PLEKHA1: variants seen among roughly 807,000 people sequenced by gnomAD.
The protein encoded by PLEKHA1 is pleckstrin homology domain-containing family A member 1.
PLEKHA1 carries 34 observed loss-of-function variants against 52.0 expected under a neutral mutation model. The ratio of observed to expected loss-of-function variants is 0.65; its 90% CI spans 0.50 to 0.87. The LOEUF (loss-of-function observed/expected upper bound fraction) is 0.87. Ranked by LOEUF, PLEKHA1 falls within the 40% of genes least tolerant of loss-of-function variation. PLEKHA1 has a pLI of 0.00. For synonymous variants in PLEKHA1, 163 were observed against 170.7 expected (o/e 0.95, Z 0.35); for missense variants, 497 against 504.2 (o/e 0.99, Z 0.14).
At chr10:122,405,509 A>G (rs1435312756) in intron 4 of PLEKHA1, among the ~76,000 whole-genome samples, 1 of 151,968 alleles carries the variant, frequency 6.6e-6, no homozygotes, top group Non-Finnish European at 1.5e-5. Flanking sequence ...CTCAATAACC[A>G]AAGAAATTAA....
At position 122,431,880 on chromosome 10, in the gene PLEKHA1, A is replaced by T. The variant is rs2097419610; in HGVS notation, c.*1942A>T. On this transcript the variant is annotated 3_prime_UTR_variant, in exon 12 of 12. Transcript: ENST00000368990. ...TCATGAACACACCCGAGAAATCTTA[A>T]ATAGACACTTTGCAATATTTAAGAA... is the stretch of plus-strand genomic sequence containing the variant. 6.6e-6 allele frequency: 1 copy of T among 152,188 alleles called. No homozygotes were observed. Among genetic ancestry groups the T allele is most frequent in the Non-Finnish European group, 1.5e-5 (1 of 68,026 alleles). The allele number at this position is 152,188 out of a possible 1,614,324, so 9.4% of individuals were successfully genotyped here.
intron 8 of PLEKHA1, chr10:122,419,902 C>T (rs1422673119): frequency 1.3e-5 from 2 of 152,140 alleles, no homozygotes; most frequent in African/African-American, 4.8e-5. Context: ...GTTTCAGCTC[C>T]CCCTCCCCCA....
intron 1 of PLEKHA1, among the ~76,000 whole-genome samples, chr10:122,391,306 TG>T (rs2096772023): frequency 6.6e-6 from 1 of 152,214 alleles, no homozygotes; most frequent in African/African-American, 2.4e-5. Context: ...ATATAATTTT[TG>T]TTGTTGCTCA....
Position 122,430,495 on chromosome 10 carries a change from T to C in PLEKHA1, c.*557T>C, listed in dbSNP as rs1565362560. On this transcript the variant is annotated 3_prime_UTR_variant, in exon 12 of 12. Coordinates refer to ENST00000368990, the MANE Select transcript of PLEKHA1 (RefSeq NM_001001974.4). ...ATGCCCTGAATCTTGAGGTGACTTA[T>C]TTTGCATAGAGGATATGGATAGACC... is the stretch of plus-strand genomic sequence containing the variant. The C allele has an allele frequency of 6.5e-6, 1 of 153,844 alleles. No individual in the cohort carries two copies. The highest frequency in any genetic ancestry group is 1.9e-4 in the East Asian group (1 of 5,202). 9.5% of individuals were successfully genotyped at this position (153,844 alleles called of 1,614,324 possible).
intron 5 of PLEKHA1, among the ~76,000 whole-genome samples, chr10:122,407,553 T>C (rs538404394): frequency 6.6e-6 from 1 of 152,290 alleles, no homozygotes; most frequent in African/African-American, 2.4e-5. Context: ...AGCCCTCTCC[T>C]TACTCTTTTG....
intron 3 of PLEKHA1, among the ~76,000 whole-genome samples, chr10:122,398,576 G>C (rs1184336653): frequency 6.9e-6 from 1 of 145,224 alleles, no homozygotes; most frequent in Non-Finnish European, 1.5e-5. Context: ...TGATGCTGAG[G>C]TGCTAACCCT....
At chr10:122,394,583 C>T (rs1590410626) in intron 2 of PLEKHA1, among the ~76,000 whole-genome samples, 1 of 152,044 alleles carries the variant, frequency 6.6e-6, no homozygotes, top group Non-Finnish European at 1.5e-5. Context: ...TTTCACAGAG[C>T]AGGAACTAGG....
Position 122,426,960 on chromosome 10 carries a change from A to T in PLEKHA1, c.829A>T (p.Met277Leu). The T allele has an allele frequency of 1.2e-6, 2 of 1,613,994 alleles. No individual in the cohort carries two copies. Among genetic ancestry groups the T allele is most frequent in the Admixed American group, 3.3e-5 (2 of 60,016 alleles). Residue 277 changes from methionine (M) to leucine (L), a missense_variant, in exon 11 of 12, where the codon ATG (methionine) becomes TTG (leucine). By Grantham distance (15) the Met-to-Leu change is conservative (BLOSUM62 2). Coordinates refer to ENST00000368990, the MANE Select transcript of PLEKHA1 (RefSeq NM_001001974.4). The stretch of plus-strand genomic sequence containing the variant: ...CCTTTAGGCTGATAGCCCTGAAGAG[A>T]TGCACAGTTGGATTAAAGCAGTCTC... The part of the protein sequence containing the change: ...FYVQADSPEE[M>L]HSWIKAVSGA...
the PLEKHA1 span, chr10:122,439,498 A>C: frequency 1.3e-5 from 2 of 151,896 alleles, no homozygotes; most frequent in African/African-American, 4.8e-5. Flanking sequence ...TTGGGAGGCC[A>C]AGGCATTTCT....
intron 11 of PLEKHA1, chr10:122,428,496 G>A: frequency 8.1e-7 from 1 of 1,227,624 alleles, no homozygotes; most frequent in Non-Finnish European, 1.0e-6. Flanking sequence ...TTTCACTGTA[G>A]TCATCAGGTT....
At chr10:122,423,322 G>T (rs1323013881) in intron 8 of PLEKHA1, 2 of 151,394 alleles carry the variant, frequency 1.3e-5, no homozygotes, top group Non-Finnish European at 2.9e-5. Flanking sequence ...TACTTGGGAG[G>T]CTGAGGCAGG....
intron 1 of PLEKHA1, among the ~76,000 whole-genome samples, chr10:122,378,722 G>C (rs1481664508): frequency 2.1e-5 from 3 of 145,198 alleles, no homozygotes; most frequent in African/African-American, 7.6e-5. Context: ...GGTGACAGGA[G>C]AGTGAGACCC....
intron 1 of PLEKHA1, chr10:122,375,053 G>C (rs1163503542): frequency 6.6e-6 from 1 of 151,974 alleles, no homozygotes; most frequent in African/African-American, 2.4e-5. Flanking sequence ...GCCCTGGCTT[G>C]GGGCAGCGGG....
rs545044725 is a variant in PLEKHA1, at chr10:122,430,016, G to C, written c.*78G>C. The C allele has an allele frequency of 2.7e-5, 40 of 1,470,230 alleles. No individual in the cohort carries two copies. The South Asian group carries it at 5.2e-4, about 19-fold the overall frequency. The allele number at this position is 1,470,230 out of a possible 1,614,324, so 91.1% of individuals were successfully genotyped here. On this transcript the variant is annotated 3_prime_UTR_variant, in exon 12 of 12. Transcript: ENST00000368990. ...GAGGCTTCTAGCCAAAGATGATAAA[G>C]GGGGAAATGGTTTTTAGTGCGTATA...
chr10:122,393,171 T>C lies in PLEKHA1; in HGVS notation c.-20-10T>C. 6.4e-7 allele frequency: 1 copy of C among 1,572,214 alleles called. No homozygotes were observed. Among genetic ancestry groups the C allele is most frequent in the Non-Finnish European group, 8.6e-7 (1 of 1,160,344 alleles). On this transcript the variant is annotated splice_polypyrimidine_tract_variant and intron_variant, in intron 1 of 11. Coordinates refer to ENST00000368990, the MANE Select transcript of PLEKHA1 (RefSeq NM_001001974.4). This position sits in a 1 kb window ranked among gnomAD's most constrained non-coding sequence, Gnocchi z 4.5. ...ATAGGGAGCTTACTGTTAATATTTTTATTTTACAGTGTAATGTTCAAGCTC... is the reference window on the plus strand; with the variant it reads ...ATAGGGAGCTTACTGTTAATATTTTCATTTTACAGTGTAATGTTCAAGCTC...
intron 2 of PLEKHA1, among the ~76,000 whole-genome samples, chr10:122,396,985 G>A (rs1179304982): frequency 6.6e-6 from 1 of 151,954 alleles, no homozygotes; most frequent in African/African-American, 2.4e-5. Flanking sequence ...AATTCTCTAC[G>A]ATATAAATTC....
chr10:122,428,221 C>T (rs1457331251), intron 11 of PLEKHA1: 2 of 1,402,514 alleles, frequency 1.4e-6, no homozygotes, highest in Non-Finnish European at 1.9e-6. Flanking sequence ...TTTCTCTTTT[C>T]CTCCCTCTAC....
chr10:122,431,002 AAT>A lies in PLEKHA1; in HGVS notation c.*1071_*1072del, dbSNP rs1286660282. The A allele has an allele frequency of 2.6e-5, 4 of 152,648 alleles. No individual in the cohort carries two copies. Among genetic ancestry groups the A allele is most frequent in the Non-Finnish European group, 4.4e-5 (3 of 68,042 alleles). The allele number at this position is 152,648 out of a possible 1,614,324, so 9.5% of individuals were successfully genotyped here. The stretch of plus-strand genomic sequence containing the variant: ...AATGCTGGTATTCTACTACTTGTGC[AAT>A]ATATATGTTTTAAAAAACAAATTTG... On this transcript the variant is annotated 3_prime_UTR_variant, in exon 12 of 12. Coordinates refer to ENST00000368990, the MANE Select transcript of PLEKHA1 (RefSeq NM_001001974.4).
chr10:122,394,768 C>T (rs1421503268), intron 2 of PLEKHA1, among the ~76,000 whole-genome samples: 1 of 152,072 alleles, frequency 6.6e-6, no homozygotes, highest in Admixed American at 6.5e-5. Flanking sequence ...ATTTTCTCTC[C>T]CTGATTTTTC....
Sources: gnomAD v4.1 joint callset for allele counts (sites outside exome capture counted in the v4.1 genomes callset) on GRCh38, gnomAD v4.1.1 for gene constraint, Gnocchi (gnomAD v3.1) non-coding constraint, MANE v1.5 for transcripts, NCBI Gene and HGNC (gene_info 2026-07-23, HGNC 2026-07-21) for gene names.